The following CELSR1 variants were observed in gnomAD, a reference collection of about 807,000 sequenced individuals.
The protein encoded by CELSR1 is cadherin EGF LAG seven-pass G-type receptor 1.
CELSR1 carries 110 observed loss-of-function variants against 249.1 expected under a neutral mutation model. That is an observed-to-expected ratio of 0.44 (90% CI 0.38 to 0.52). CELSR1 has a LOEUF of 0.52. CELSR1 is among the 20% of genes least tolerant of loss of function. The probability of loss-of-function intolerance (pLI) is 0.00; values close to 1 mark genes in which losing one functional copy is unlikely to be tolerated. For synonymous variants in CELSR1, 2,113 were observed against 1,900.0 expected (o/e 1.11, Z -2.92); for missense variants, 4,109 against 4,296.4 (o/e 0.96, Z 1.22).
rs777465230 is a variant in CELSR1 at position 46,396,787 on chromosome 22, C to G, written c.5702-41G>C. The G allele has an allele frequency of 1.2e-5, 19 of 1,598,322 alleles. No individual in the cohort carries two copies. The highest frequency in any genetic ancestry group is 1.5e-5 in the Non-Finnish European group (18 of 1,172,552). ...CAGCATTACCTCCACCCACAATCCA[C>G]GAGACCTTCCACGTTAAAATATCTG... On this transcript the variant is annotated intron_variant, in intron 12 of 34. Transcript: ENST00000674500. The surrounding 1 kb of genome is among the most constrained non-coding windows in gnomAD (Gnocchi z 6.4).
In CELSR1 at chr22:46,427,612, TCACCGCACAGAACCC is replaced by T. The variant is rs1156607204; in HGVS notation, c.4611+5766_4611+5780del. On this transcript the variant is annotated intron_variant, in intron 5 of 34. Coordinates refer to ENST00000674500, the MANE Select transcript of CELSR1 (RefSeq NM_001378328.1). This position sits in a 1 kb window ranked among gnomAD's most constrained non-coding sequence, Gnocchi z 4.2. ...AAGATCCTGGGAGCTCCTCCCCTCA[TCACCGCACAGAACCC>T]CACCGCACTGTTGGCAATGGTTGTT... Among the ~76,000 whole-genome samples, 1 of 152,182 alleles carries T rather than the reference TCACCGCACAGAACCC, an allele frequency of 6.6e-6. No individual in the cohort carries two copies. Among genetic ancestry groups the T allele is most frequent in the African/African-American group, 2.4e-5 (1 of 41,450 alleles).
intron 1 of CELSR1, among the ~76,000 whole-genome samples, chr22:46,513,170 A>C (rs2080591089): frequency 1.3e-5 from 2 of 152,328 alleles, no homozygotes; most frequent in South Asian, 4.1e-4. Context: ...GGACTAGGCC[A>C]TGTGGGCTCA....
chr22:46,361,281 C>T lies in CELSR1; in HGVS notation c.*1942G>A, dbSNP rs557560413. On this transcript the variant is annotated 3_prime_UTR_variant, in exon 35 of 35. Coordinates refer to ENST00000674500, the MANE Select transcript of CELSR1 (RefSeq NM_001378328.1). ...GTTAAAAACCTCCAGTGTCTAATCTCTCCCATAAAGTCTTAAGTAATAAAA... is the reference window on the plus strand; with the variant it reads ...GTTAAAAACCTCCAGTGTCTAATCTTTCCCATAAAGTCTTAAGTAATAAAA... 6.5e-5 allele frequency: 10 copies of T among 152,716 alleles called. No individual in the cohort carries two copies. Among genetic ancestry groups the T allele is most frequent in the Middle Eastern group, 3.4e-3 (1 of 294 alleles). The allele number at this position is 152,716 out of a possible 1,614,324, so 9.5% of individuals were successfully genotyped here. A position where few individuals can be genotyped will look rare whatever the true frequency, so the allele number is the denominator to read the frequency against.
rs566013151 is a variant in CELSR1 at position 46,367,448 on chromosome 22, C to T, written c.8079+281G>A. On this transcript the variant is annotated intron_variant, in intron 28 of 34. Transcript: ENST00000674500. ...TGTCGTAAGTCCACTTGCTGTGTGG[C>T]CCTTGGTATGACTAGAAATGGCCAC... Among the ~76,000 whole-genome samples the T allele has an allele frequency of 5.9e-5, 9 of 152,346 alleles. No individual in the cohort carries two copies. The South Asian group carries it at 1.7e-3, about 28-fold the overall frequency.
At chr22:46,378,102 C>G (rs1168531789) in intron 23 of CELSR1, among the ~76,000 whole-genome samples, 2 of 152,248 alleles carry the variant, frequency 1.3e-5, no homozygotes, top group African/African-American at 4.8e-5. Context: ...CATTCCCAGG[C>G]CGCTTAAAAT....
rs1485728732 is a variant in CELSR1, at chr22:46,384,817, T to C, written c.6740-131A>G. 3.6e-5 allele frequency: 34 copies of C among 948,538 alleles called. 1 individual carries two copies. The South Asian group carries it at 5.7e-4, about 16-fold the overall frequency. The allele number at this position is 948,538 out of a possible 1,614,324, so 58.8% of individuals were successfully genotyped here. On this transcript the variant is annotated intron_variant, in intron 19 of 34. Coordinates refer to ENST00000674500, the MANE Select transcript of CELSR1 (RefSeq NM_001378328.1). ...TTATTTATTTATTTTTGAGGTGGAG[T>C]CTCGCAGTGTCTCCCAGGCTGGAGT... is the stretch of plus-strand genomic sequence containing the variant.
chr22:46,510,787 G>A (rs1479339506), intron 1 of CELSR1, among the ~76,000 whole-genome samples: 1 of 152,118 alleles, frequency 6.6e-6, no homozygotes, highest in Non-Finnish European at 1.5e-5. Flanking sequence ...GCAACTTCTA[G>A]TGCTCCTGAT....
At position 46,518,554 on chromosome 22, in the gene CELSR1, G is replaced by A. The variant is rs1030814480; in HGVS notation, c.3544+15073C>T. 6.6e-6 allele frequency among the ~76,000 whole-genome samples: 1 copy of A among 152,230 alleles called. No homozygotes were observed. The highest frequency in any genetic ancestry group is 2.4e-5 in the African/African-American group (1 of 41,464). On this transcript the variant is annotated intron_variant, in intron 1 of 34. Coordinates refer to ENST00000674500, the MANE Select transcript of CELSR1 (RefSeq NM_001378328.1). This position sits in a 1 kb window ranked among gnomAD's most constrained non-coding sequence, Gnocchi z 5.2. Reference sequence around the variant, plus strand: ...GGCGTGGCAGTGGGTTCACTACCCTGCCCCAATGCCCAGTACCTGTGGATG... The same window carrying A: ...GGCGTGGCAGTGGGTTCACTACCCTACCCCAATGCCCAGTACCTGTGGATG...
At chr22:46,530,869 T>C (rs2080784698) in intron 1 of CELSR1, among the ~76,000 whole-genome samples, 1 of 152,178 alleles carries the variant, frequency 6.6e-6, no homozygotes, top group African/African-American at 2.4e-5. Flanking sequence ...TGGCTCCCAC[T>C]AAACGTAGTC....
In CELSR1 at chr22:46,364,010, A is replaced by G; in HGVS notation, c.9021T>C (p.Asp3007=). Residue 3007 remains aspartate, a synonymous_variant, in exon 34 of 35, where the codon GAT becomes GAC. Coordinates refer to ENST00000674500, the MANE Select transcript of CELSR1 (RefSeq NM_001378328.1). ...MNVRTGSAQA[D]GSDSEGSNET... ...AGGCTACTCACTCAGAGTCGGAGCC[A>G]TCGGCCTGGGCGCTCCCAGTGCGCA... 1.2e-6 allele frequency: 2 copies of G among 1,607,568 alleles called. No individual in the cohort carries two copies. Among genetic ancestry groups the G allele is most frequent in the Admixed American group, 1.7e-5 (1 of 59,184 alleles).
In CELSR1 at chr22:46,409,191, T is replaced by G. The variant is rs1602094220; in HGVS notation, c.5060-29A>C. The G allele has an allele frequency of 5.0e-6, 8 of 1,606,742 alleles. No homozygotes were observed. The highest frequency in any genetic ancestry group is 6.8e-6 in the Non-Finnish European group (8 of 1,177,492). ...CGGACACAGGCCCAGGGACCTCAGG[T>G]GTCTCCCGAAATCACACGGCCGCGG... is the stretch of plus-strand genomic sequence containing the variant. On this transcript the variant is annotated intron_variant, in intron 8 of 34. Coordinates refer to ENST00000674500, the MANE Select transcript of CELSR1 (RefSeq NM_001378328.1). The surrounding 1 kb of genome is among the most constrained non-coding windows in gnomAD (Gnocchi z 9.8).
intron 1 of CELSR1, among the ~76,000 whole-genome samples, chr22:46,505,994 TGTG>T (rs994166684): frequency 2.4e-4 from 37 of 151,768 alleles, no homozygotes; most frequent in African/African-American, 8.7e-4. Context: ...GACTGGCCAA[TGTG>T]GTGAAACCCT....
At position 46,439,261 on chromosome 22, in the gene CELSR1, C is replaced by T. The variant is rs1369834882; in HGVS notation, c.4334G>A (p.Arg1445Lys). 6.2e-7 allele frequency: 1 copy of T among 1,614,016 alleles called. No homozygotes were observed. The highest frequency in any genetic ancestry group is 8.5e-7 in the Non-Finnish European group (1 of 1,180,020). ...GACGAAGGACTGGGGCGGGAAGCTC[C>T]TGGTGGTCACCTCACAGTAGGGCCT... ...YERPYCEVTT[R>K]SFPPQSFVTF... The change falls in exon 3 of 35, where the codon AGG becomes AAG. Residue 1445 changes from arginine to lysine, a missense_variant. Physicochemically the swap from Arg to Lys is conservative, Grantham distance 26. Around this residue, in one of 7 missense-constraint regions of CELSR1, gnomAD observed 453 missense variants for 492.0 expected, o/e 0.92. Transcript: ENST00000674500.
chr22:46,486,596 A>G (rs1486145555), intron 1 of CELSR1, among the ~76,000 whole-genome samples: 1 of 150,908 alleles, frequency 6.6e-6, no homozygotes, highest in African/African-American at 2.4e-5. Flanking sequence ...TAATCCCAGC[A>G]CTTTGGGAGG....
At chr22:46,483,503 C>T (rs1451230284) in intron 1 of CELSR1, among the ~76,000 whole-genome samples, 1 of 151,228 alleles carries the variant, frequency 6.6e-6, no homozygotes, top group East Asian at 2.0e-4. Context: ...CCCACTCTGC[C>T]ACCCACTTCC....
At chr22:46,415,657 C>A (rs373338600) in intron 5 of CELSR1, among the ~76,000 whole-genome samples, 3 of 151,886 alleles carry the variant, frequency 2.0e-5, no homozygotes, top group Non-Finnish European at 4.4e-5. Context: ...GGGTGGGCAT[C>A]CCCCCTCACC....
chr22:46,512,147 G>A lies in CELSR1; in HGVS notation c.3544+21480C>T, dbSNP rs2080579990. Among the ~76,000 whole-genome samples the A allele has an allele frequency of 6.6e-6, 1 of 152,198 alleles. No individual in the cohort carries two copies. Among genetic ancestry groups the A allele is most frequent in the African/African-American group, 2.4e-5 (1 of 41,450 alleles). On this transcript the variant is annotated intron_variant, in intron 1 of 34. Transcript: ENST00000674500. This position sits in a 1 kb window ranked among gnomAD's most constrained non-coding sequence, Gnocchi z 5.2. Reference sequence around the variant, plus strand: ...TGTGGCAAACACAGCAGCAGCAAGAGTGACGGCGGCGCTCATAAGCCCTTA... The same window carrying A: ...TGTGGCAAACACAGCAGCAGCAAGAATGACGGCGGCGCTCATAAGCCCTTA...
At chr22:46,450,423 T>C (rs6008832) in intron 2 of CELSR1, among the ~76,000 whole-genome samples, 13,469 of 152,262 alleles carry the variant, frequency 0.088, 1,858 homozygotes, top group African/African-American at 0.3. Context: ...CATTTGGGGA[T>C]GAGAACATGA....
intron 24 of CELSR1, among the ~76,000 whole-genome samples, chr22:46,376,043 A>G (rs907255656): frequency 3.3e-5 from 5 of 152,244 alleles, no homozygotes; most frequent in Non-Finnish European, 7.3e-5. Flanking sequence ...GGATGCCTCC[A>G]GTATCTTCCC....
Sources: allele counts gnomAD v4.1 joint callset (sites outside exome capture counted in the v4.1 genomes callset), GRCh38; gene constraint gnomAD v4.1.1; regional missense constraint gnomAD v4.1.1; non-coding constraint Gnocchi (gnomAD v3.1); transcripts MANE v1.5; gene names NCBI Gene and HGNC (gene_info 2026-07-23, HGNC 2026-07-21).